NPAS3: variants seen among roughly 807,000 people sequenced by gnomAD.
NPAS3 encodes neuronal PAS domain protein 3.
NPAS3 carries 14 observed loss-of-function variants against 73.1 expected under a neutral mutation model. The observed-to-expected ratio is 0.19, with a 90% confidence interval of 0.13 to 0.30. NPAS3 has a LOEUF of 0.30. NPAS3 is among the 10% of genes least tolerant of loss of function. NPAS3 has a pLI of 1.00. For synonymous variants in NPAS3, 620 were observed against 541.5 expected, an observed-to-expected ratio of 1.14 and a Z score of -2.01; for missense variants, 1,096 against 1,250.0, an observed-to-expected ratio of 0.88 and a Z score of 1.86.
Position 33,177,789 on chromosome 14 carries a change from T to C in NPAS3, c.141-37393T>C, listed in dbSNP as rs551112620. ...TTCTCTATTGAGTGGACTTGTACCC[T>C]TGTTGAAAATCAATTGACCATAGAT... is the stretch of plus-strand genomic sequence containing the variant. On this transcript the variant is annotated intron_variant, in intron 2 of 11. Coordinates refer to ENST00000356141, the Ensembl canonical transcript of NPAS3. Among the ~76,000 whole-genome samples, 9 of 152,368 alleles carry C rather than the reference T, an allele frequency of 5.9e-5. 1 individual carries two copies. The highest frequency in any genetic ancestry group is 5.9e-4 in the Admixed American group (9 of 15,304).
chr14:33,559,405 T>C (rs1278185653), intron 4 of NPAS3, among the ~76,000 whole-genome samples: 1 of 152,228 alleles, frequency 6.6e-6, no homozygotes, highest in Non-Finnish European at 1.5e-5. Context: ...AGTAGTGATT[T>C]TACTTGCTCT....
chr14:33,524,003 T>C (rs1335709233), intron 4 of NPAS3, among the ~76,000 whole-genome samples: 6 of 152,186 alleles, frequency 3.9e-5, no homozygotes, highest in Non-Finnish European at 7.4e-5. Context: ...AGGCATATAA[T>C]AGCCAAAAAT....
At chr14:33,131,421 A>T (rs1034312970) in intron 2 of NPAS3, among the ~76,000 whole-genome samples, 1 of 23,068 alleles carries the variant, frequency 4.3e-5, no homozygotes, top group Non-Finnish European at 1.1e-4. Context: ...CCATGTGTTC[A>T]TCTGACTTCC....
At chr14:32,995,754 C>A (rs893928176) in intron 1 of NPAS3, among the ~76,000 whole-genome samples, 8 of 152,218 alleles carry the variant, frequency 5.3e-5, no homozygotes, top group Non-Finnish European at 5.9e-5. Flanking sequence ...TGTGAGGCTT[C>A]TCCAGCCATG....
intron 3 of NPAS3, among the ~76,000 whole-genome samples, chr14:33,343,105 A>G (rs1015022013): frequency 6.6e-6 from 1 of 152,170 alleles, no homozygotes; most frequent in Non-Finnish European, 1.5e-5. Flanking sequence ...TTTGCTTTGC[A>G]TTGAAATTCC....
intron 5 of NPAS3, among the ~76,000 whole-genome samples, chr14:33,580,558 ACGGTAG>A (rs1292440613): frequency 5.9e-5 from 9 of 152,130 alleles, no homozygotes; most frequent in Non-Finnish European, 1.3e-4. Flanking sequence ...ACGTACAGCC[ACGGTAG>A]TTCCCCTCCA....
In NPAS3 at chr14:33,313,820, A is replaced by G. The variant is rs146013567; in HGVS notation, c.386-53366A>G. On this transcript the variant is annotated intron_variant, in intron 3 of 11. Transcript: ENST00000356141. ...TCACTTTGGGATTTCGAAAATAGCA[A>G]TCTCTATAATCGTGACATATTTTTA... Among the ~76,000 whole-genome samples, 42 of 152,144 alleles carry G rather than the reference A, an allele frequency of 2.8e-4. 1 individual carries two copies. In the East Asian group the frequency reaches 7.7e-3, roughly 28 times the overall value.
intron 5 of NPAS3, among the ~76,000 whole-genome samples, chr14:33,639,365 A>C (rs1386161470): frequency 6.6e-6 from 1 of 152,216 alleles, no homozygotes; most frequent in East Asian, 1.9e-4. Flanking sequence ...ACCACATGTG[A>C]AACAATCTAA....
At chr14:33,697,427 C>A (rs2060414389) in intron 6 of NPAS3, among the ~76,000 whole-genome samples, 1 of 152,052 alleles carries the variant, frequency 6.6e-6, no homozygotes, top group African/African-American at 2.4e-5. Context: ...ATTTATTCTC[C>A]AAAACAGAAA....
At chr14:33,207,235 A>T (rs936347678) in intron 2 of NPAS3, among the ~76,000 whole-genome samples, 1 of 19,394 alleles carries the variant, frequency 5.2e-5, no homozygotes, top group Non-Finnish European at 1.9e-4. Context: ...AAAGAACATT[A>T]CACACACACA....
At chr14:33,671,218 G>A (rs776592388) in intron 5 of NPAS3, among the ~76,000 whole-genome samples, 3 of 152,148 alleles carry the variant, frequency 2.0e-5, no homozygotes, top group Admixed American at 6.5e-5. Context: ...GTACATCACT[G>A]TAGTTAAAAA....
At position 33,138,379 on chromosome 14, in the gene NPAS3, T is replaced by C. The variant is rs116915506; in HGVS notation, c.141-76803T>C. ...CACAGGTCATTAAATATAGTAGTCATACAGTAATTATTACTTGAATACATA... is the reference window on the plus strand; with the variant it reads ...CACAGGTCATTAAATATAGTAGTCACACAGTAATTATTACTTGAATACATA... On this transcript the variant is annotated intron_variant, in intron 2 of 11. Transcript: ENST00000356141. Among the ~76,000 whole-genome samples the C allele has an allele frequency of 6.5e-3, 986 of 152,272 alleles. 9 individuals carry two copies. Among genetic ancestry groups the C allele is most frequent in the Middle Eastern group, 0.02 (6 of 294 alleles).
chr14:33,531,928 C>T (rs1026813827), intron 4 of NPAS3, among the ~76,000 whole-genome samples: 9 of 152,110 alleles, frequency 5.9e-5, no homozygotes, highest in Non-Finnish European at 8.8e-5. Flanking sequence ...GGCTAGTGAT[C>T]TTCTACTGTG....
chr14:33,592,026 T>C (rs2057086556), intron 5 of NPAS3, among the ~76,000 whole-genome samples: 2 of 152,178 alleles, frequency 1.3e-5, no homozygotes, highest in Non-Finnish European at 2.9e-5. Context: ...CACTAGTTTT[T>C]ACACAGAAAA....
At chr14:33,272,879 G>A (rs770305179) in intron 3 of NPAS3, among the ~76,000 whole-genome samples, 2 of 152,220 alleles carry the variant, frequency 1.3e-5, no homozygotes, top group Non-Finnish European at 1.5e-5. Context: ...AAAAAGAATC[G>A]AAATCTCTTT....
chr14:33,476,270 C>T (rs1032298391), intron 4 of NPAS3, among the ~76,000 whole-genome samples: 1 of 152,186 alleles, frequency 6.6e-6, no homozygotes, highest in African/African-American at 2.4e-5. Flanking sequence ...TCCCTCTATG[C>T]TCATTGTAAT....
At chr14:33,135,388 T>G (rs1230354149) in intron 2 of NPAS3, among the ~76,000 whole-genome samples, 1 of 152,246 alleles carries the variant, frequency 6.6e-6, no homozygotes, top group African/African-American at 2.4e-5. Context: ...TGTTTGGAAC[T>G]CATCACTACA....
At chr14:33,542,420 T>C (rs1292028341) in intron 4 of NPAS3, among the ~76,000 whole-genome samples, 2 of 152,226 alleles carry the variant, frequency 1.3e-5, no homozygotes, top group East Asian at 3.9e-4. Flanking sequence ...AGGTGGCTGC[T>C]GGCCTTGGCA....
intron 7 of NPAS3, among the ~76,000 whole-genome samples, chr14:33,748,836 G>A (rs2061879191): frequency 6.6e-6 from 1 of 152,144 alleles, no homozygotes; most frequent in Admixed American, 6.5e-5. Context: ...ATGGAATAGA[G>A]GATTGGCCTT....
Sources: gnomAD v4.1 joint callset for allele counts (sites outside exome capture counted in the v4.1 genomes callset) on GRCh38, gnomAD v4.1.1 for gene constraint, MANE v1.5 for transcripts, NCBI Gene and HGNC (gene_info 2026-07-23, HGNC 2026-07-21) for gene names.